TOB2: variants seen among roughly 807,000 people sequenced by gnomAD.
TOB2 encodes protein Tob2.
A neutral mutation model predicts 17.3 loss-of-function variants in TOB2; 3 were observed. The ratio of observed to expected loss-of-function variants is 0.17; its 90% CI spans 0.08 to 0.45. The LOEUF (loss-of-function observed/expected upper bound fraction) is 0.45, where lower values mean the gene tolerates loss of function less well. Among genes scored for constraint, TOB2 ranks in the 20% least tolerant of loss-of-function variants. The pLI, the probability that TOB2 is intolerant of heterozygous loss-of-function variation, is 0.99. For synonymous variants in TOB2, 163 were observed against 185.6 expected, an observed-to-expected ratio of 0.88 and a Z score of 0.99; for missense variants, 407 against 445.7, an observed-to-expected ratio of 0.91 and a Z score of 0.78.
chr22:41,438,455 C>T (rs1017746664), intron 1 of TOB2, among the ~76,000 whole-genome samples: 1 of 151,168 alleles, frequency 6.6e-6, no homozygotes, highest in Admixed American at 6.6e-5. Flanking sequence ...ATGGAGAAAC[C>T]CTGTCTCTAC....
chr22:41,436,543 G>C lies in TOB2; in HGVS notation c.803C>G (p.Pro268Arg). The part of the protein sequence containing the change: ...KEFVYNGGGS[P>R]SLFFDAADGQ... ...ATCGGCCGCATCAAAGAAGAGGCTG[G>C]GTGAGCCACCACCGTTGTACACGAA... Residue 268 changes from proline (P) to arginine (R), a missense_variant, in exon 2 of 2, where the codon CCC becomes CGC. Pro to Arg is a moderately radical substitution (Grantham distance 103). Transcript: ENST00000327492. The surrounding 1 kb of genome is among the most constrained non-coding windows in gnomAD (Gnocchi z 4.8). 2 of 1,610,378 alleles carry C rather than the reference G, an allele frequency of 1.2e-6. No individual in the cohort carries two copies. Among genetic ancestry groups the C allele is most frequent in the Admixed American group, 3.4e-5 (2 of 58,980 alleles).
intron 1 of TOB2, 65 bp downstream of exon 1, chr22:41,446,314 G>A (rs954676875): frequency 6.5e-6 from 1 of 152,690 alleles, no homozygotes; most frequent in African/African-American, 2.4e-5. Context: ...CGGGGTGGAA[G>A]AGGTAGTCCG....
chr22:41,444,101 G>A (rs1011538378), intron 1 of TOB2, among the ~76,000 whole-genome samples: 2 of 152,202 alleles, frequency 1.3e-5, no homozygotes, highest in African/African-American at 4.8e-5. Flanking sequence ...GGGCCAGCAG[G>A]TGTCACAGAC....
rs2037523444 is a variant in TOB2, at chr22:41,434,460, AGGGTG to A, written c.*1846_*1850del. 1 of 152,940 alleles carries A rather than the reference AGGGTG, an allele frequency of 6.5e-6. No individual in the cohort carries two copies. Among genetic ancestry groups the A allele is most frequent in the South Asian group, 2.1e-4 (1 of 4,834 alleles). 9.5% of individuals were successfully genotyped at this position (152,940 alleles called of 1,614,324 possible). A position where few individuals can be genotyped will look rare whatever the true frequency, so the allele number is the denominator to read the frequency against. On this transcript the variant is annotated 3_prime_UTR_variant, in exon 2 of 2. Coordinates refer to ENST00000327492, the MANE Select transcript of TOB2 (RefSeq NM_016272.4). The stretch of plus-strand genomic sequence containing the variant: ...TGGGAGCCGAGGATGAGGGAAACAA[AGGGTG>A]GCCCAGACTGGGCTGGCCCCTGAGA...
At position 41,437,369 on chromosome 22, in the gene TOB2, A is replaced by G. The variant is rs373871606; in HGVS notation, c.-24T>C. On this transcript the variant is annotated 5_prime_UTR_variant, in exon 2 of 2. Coordinates refer to ENST00000327492, the MANE Select transcript of TOB2 (RefSeq NM_016272.4). ...ATGGTCCTTTCCTAGGCAGAGAATCAGCACAGGGCACGTGTACAGCCTTGG... is the reference window on the plus strand; with the variant it reads ...ATGGTCCTTTCCTAGGCAGAGAATCGGCACAGGGCACGTGTACAGCCTTGG... 9.4e-6 allele frequency: 15 copies of G among 1,598,444 alleles called. No homozygotes were observed. In the African/African-American group the frequency reaches 2.0e-4, roughly 21 times the overall value.
At position 41,436,671 on chromosome 22, in the gene TOB2, G is replaced by T. The variant is rs758122357; in HGVS notation, c.675C>A (p.Asn225Lys). The change falls in exon 2 of 2, where the codon AAC becomes AAA. Residue 225 changes from asparagine (N) to lysine (K), a missense_variant. By Grantham distance (94) the Asn-to-Lys change is moderately conservative (BLOSUM62 0). Transcript: ENST00000327492. The surrounding 1 kb of genome is among the most constrained non-coding windows in gnomAD (Gnocchi z 4.8). ...AGAGGCTCTTGTGCTTCAGCAGGCT[G>T]TTGGTGGGTGAGCGGGCCATGCGAG... ...QQPRMARSPT[N>K]SLLKHKSLSL... The T allele has an allele frequency of 1.7e-5, 27 of 1,614,060 alleles. No homozygotes were observed. The highest frequency in any genetic ancestry group is 1.1e-5 in the Non-Finnish European group (13 of 1,180,006).
In TOB2 at chr22:41,437,065, A is replaced by G. The variant is rs1406947916; in HGVS notation, c.281T>C (p.Ile94Thr). 1 of 1,614,156 alleles carries G rather than the reference A, an allele frequency of 6.2e-7. No homozygotes were observed. Among genetic ancestry groups the G allele is most frequent in the East Asian group, 2.2e-5 (1 of 44,860 alleles). ...CTGGTAGGACACCTCAAAGGGATCA[A>G]TCCAGACACTCAGCTCCTCAGGCAC... ...ANVPEELSVW[I>T]DPFEVSYQIG... The change falls in exon 2 of 2, where the codon ATT (isoleucine) becomes ACT (threonine). Residue 94 changes from isoleucine to threonine, a missense_variant. Transcript: ENST00000327492.
At chr22:41,439,288 C>T (rs952376617) in intron 1 of TOB2, among the ~76,000 whole-genome samples, 1 of 152,158 alleles carries the variant, frequency 6.6e-6, no homozygotes, top group Non-Finnish European at 1.5e-5. Flanking sequence ...CTGTCAAGGG[C>T]ATCTTCTGTC....
rs1346062499 is a variant in TOB2 at position 41,434,133 on chromosome 22, T to A, written c.*2178A>T. 1 of 156,220 alleles carries A rather than the reference T, an allele frequency of 6.4e-6. No individual in the cohort carries two copies. The highest frequency in any genetic ancestry group is 1.4e-5 in the Non-Finnish European group (1 of 70,872). The allele number at this position is 156,220 out of a possible 1,614,324, so 9.7% of individuals were successfully genotyped here. A position where few individuals can be genotyped will look rare whatever the true frequency, so the allele number is the denominator to read the frequency against. On this transcript the variant is annotated 3_prime_UTR_variant, in exon 2 of 2. Coordinates refer to ENST00000327492, the MANE Select transcript of TOB2 (RefSeq NM_016272.4). ...ACGAAACCAGGTAAATTAGTGCAGA[T>A]TTCTGTTTTTGTATTCTTAAAAAAA...
rs58347890 is a variant in TOB2, at chr22:41,446,603, G to C, written c.-287C>G. 3 of 152,644 alleles carry C rather than the reference G, an allele frequency of 2.0e-5. No individual in the cohort carries two copies. Among genetic ancestry groups the C allele is most frequent in the Admixed American group, 6.5e-5 (1 of 15,280 alleles). The allele number at this position is 152,644 out of a possible 1,614,324, so 9.5% of individuals were successfully genotyped here. A position where few individuals can be genotyped will look rare whatever the true frequency, so the allele number is the denominator to read the frequency against. On this transcript the variant is annotated 5_prime_UTR_variant, in exon 1 of 2. Coordinates refer to ENST00000327492, the MANE Select transcript of TOB2 (RefSeq NM_016272.4). ...CTCTTAGGAGGTCGGGCTCGGCAGCGGGGGGCCCGAGGGCGGGCGGGCGGA... is the reference window on the plus strand; with the variant it reads ...CTCTTAGGAGGTCGGGCTCGGCAGCCGGGGGCCCGAGGGCGGGCGGGCGGA...
chr22:41,444,073 A>T (rs138039178), intron 1 of TOB2, among the ~76,000 whole-genome samples: 1 of 152,310 alleles, frequency 6.6e-6, no homozygotes, highest in East Asian at 1.9e-4. Context: ...GGACTACAGG[A>T]CTCAACTAAG....
Position 41,436,705 on chromosome 22 carries a change from G to A in TOB2, c.641C>T (p.Pro214Leu). The change falls in exon 2 of 2, where the codon CCA (proline) becomes CTA (leucine). Residue 214 changes from proline (P) to leucine (L), a missense_variant. Physicochemically the swap from Pro to Leu is moderately conservative, Grantham distance 98. Coordinates refer to ENST00000327492, the MANE Select transcript of TOB2 (RefSeq NM_016272.4). The surrounding 1 kb of genome is among the most constrained non-coding windows in gnomAD (Gnocchi z 4.8). ...TGAGCGGGCCATGCGAGGCTGCTGT[G>A]GTGGCTGCTGGCCACCCGCCCCACT... ...ASSGAGGQQP[P>L]QQPRMARSPT... 2 of 1,613,072 alleles carry A rather than the reference G, an allele frequency of 1.2e-6. No individual in the cohort carries two copies. The highest frequency in any genetic ancestry group is 1.7e-6 in the Non-Finnish European group (2 of 1,179,524).
chr22:41,444,663 C>T (rs1287622576), intron 1 of TOB2, among the ~76,000 whole-genome samples: 1 of 152,212 alleles, frequency 6.6e-6, no homozygotes, highest in Non-Finnish European at 1.5e-5. Context: ...GGCGGGTCGG[C>T]GCCCCCCTCC....
Position 41,436,346 on chromosome 22 carries a change from T to C in TOB2, c.1000A>G (p.Ser334Gly), listed in dbSNP as rs1268632877. 1.2e-6 allele frequency: 2 copies of C among 1,600,416 alleles called. No individual in the cohort carries two copies. Among genetic ancestry groups the C allele is most frequent in the East Asian group, 4.5e-5 (2 of 44,788 alleles). ...AGCACCACGGGCTGGAACTGCTGGC[T>C]GGGATACTGCATGGTGTTCAGGTTG... ...SYNLNTMQYP[S>G]QQFQPVVLAN Residue 334 changes from serine (S) to glycine (G), a missense_variant, in exon 2 of 2, where the codon AGC becomes GGC. Physicochemically the swap from Ser to Gly is moderately conservative, Grantham distance 56. Transcript: ENST00000327492. This position sits in a 1 kb window ranked among gnomAD's most constrained non-coding sequence, Gnocchi z 4.8.
chr22:41,445,226 C>T (rs1186247896), intron 1 of TOB2, among the ~76,000 whole-genome samples: 1 of 152,222 alleles, frequency 6.6e-6, no homozygotes. Flanking sequence ...GACACCTGAG[C>T]ATCTTCTCAT....
At chr22:41,445,368 A>G (rs1012382872) in intron 1 of TOB2, among the ~76,000 whole-genome samples, 7 of 152,104 alleles carry the variant, frequency 4.6e-5, no homozygotes, top group Admixed American at 1.3e-4. Flanking sequence ...CTTTCCCCCT[A>G]TGCTTCACGG....
intron 1 of TOB2, among the ~76,000 whole-genome samples, chr22:41,442,119 AG>A (rs1569270925): frequency 7.9e-5 from 12 of 151,828 alleles, no homozygotes; most frequent in Non-Finnish European, 1.5e-4. Context: ...AAGAAAAAAA[AG>A]TTGTGAGGAA....
In TOB2 at chr22:41,436,389, A is replaced by G. The variant is rs1386999864; in HGVS notation, c.957T>C (p.Phe319=). The change falls in exon 2 of 2, where the codon TTT becomes TTC. Residue 319 remains phenylalanine, a synonymous_variant. Transcript: ENST00000327492. The surrounding 1 kb of genome is among the most constrained non-coding windows in gnomAD (Gnocchi z 4.8). ...TCAGGTTGTAGCTGAGGCCTTCCAC[A>G]AAGGGTGTCTTCTCCAGGAAGAGGC... The part of the protein sequence containing the change: ...ANSLFLEKTP[F]VEGLSYNLNT... The G allele has an allele frequency of 2.5e-6, 4 of 1,613,904 alleles. No homozygotes were observed. Among genetic ancestry groups the G allele is most frequent in the Non-Finnish European group, 3.4e-6 (4 of 1,179,862 alleles).
Position 41,446,769 on chromosome 22 carries a change from C to A in TOB2, c.-453G>T, listed in dbSNP as rs1030837637. On this transcript the variant is annotated 5_prime_UTR_variant, in exon 1 of 2. Transcript: ENST00000327492. ...GCCACGGCTTGCCTCAGCCAACAAC[C>A]CGCACCTTCCCGCGCCCCGGCCCGA... is the stretch of plus-strand genomic sequence containing the variant. The A allele has an allele frequency of 6.5e-6, 1 of 152,910 alleles. No homozygotes were observed. Among genetic ancestry groups the A allele is most frequent in the South Asian group, 2.1e-4 (1 of 4,848 alleles). The allele number at this position is 152,910 out of a possible 1,614,324, so 9.5% of individuals were successfully genotyped here.
Sources: allele counts gnomAD v4.1 joint callset (sites outside exome capture counted in the v4.1 genomes callset), GRCh38; gene constraint gnomAD v4.1.1; non-coding constraint Gnocchi (gnomAD v3.1); transcripts MANE v1.5; gene names NCBI Gene and HGNC (gene_info 2026-07-23, HGNC 2026-07-21).